Variants in EBF2 observed in about 807,000 individuals in gnomAD.
EBF2 encodes the protein EBF transcription factor 2.
Under a neutral mutation model 72.8 loss-of-function variants are expected in EBF2, and 21 were observed. The ratio of observed to expected loss-of-function variants is 0.29; its 90% CI spans 0.20 to 0.42. The LOEUF (loss-of-function observed/expected upper bound fraction) is 0.42, where lower values mean the gene tolerates loss of function less well. EBF2 is among the 10% of genes least tolerant of loss of function. EBF2 has a pLI of 1.00. For synonymous variants in EBF2, 299 were observed against 274.2 expected (o/e 1.09, Z -0.89); for missense variants, 637 against 731.2 (o/e 0.87, Z 1.49).
intron 6 of EBF2, among the ~76,000 whole-genome samples, chr8:25,915,608 GA>G (rs34778900): frequency 2.7e-3 from 350 of 130,950 alleles, no homozygotes; most frequent in African/African-American, 8.6e-3. Context: ...CAGCCTTTTG[GA>G]AAAAAAAAAA....
chr8:25,864,856 G>C (rs942671509), intron 10 of EBF2, among the ~76,000 whole-genome samples: 3 of 149,234 alleles, frequency 2.0e-5, no homozygotes, highest in Non-Finnish European at 3.0e-5. Flanking sequence ...GGAGTGCAGT[G>C]GTGCAATCTC....
chr8:25,844,519 C>T lies in EBF2; in HGVS notation c.*90G>A. 2 of 1,458,832 alleles carry T rather than the reference C, an allele frequency of 1.4e-6. No homozygotes were observed. Among genetic ancestry groups the T allele is most frequent in the Non-Finnish European group, 1.9e-6 (2 of 1,041,242 alleles). 90.4% of individuals were successfully genotyped at this position (1,458,832 alleles called of 1,614,324 possible). On this transcript the variant is annotated 3_prime_UTR_variant, in exon 16 of 16. Coordinates refer to ENST00000520164, the MANE Select transcript of EBF2 (RefSeq NM_022659.4). Reference sequence around the variant, plus strand: ...TGTCCATCATGTTCATGTGGGGGCACCACTACACCCCCAAAAGAGCTCCTA... The same window carrying T: ...TGTCCATCATGTTCATGTGGGGGCATCACTACACCCCCAAAAGAGCTCCTA...
intron 10 of EBF2, among the ~76,000 whole-genome samples, chr8:25,867,518 A>G (rs1450811105): frequency 6.6e-6 from 1 of 152,162 alleles, no homozygotes; most frequent in South Asian, 2.1e-4. Flanking sequence ...CTCTTTGGCC[A>G]TGTCAGACTA....
At chr8:25,939,432 CGT>C (rs1156997491) in intron 6 of EBF2, among the ~76,000 whole-genome samples, 2 of 152,028 alleles carry the variant, frequency 1.3e-5, no homozygotes, top group African/African-American at 4.8e-5. Flanking sequence ...TGTTTGCGTC[CGT>C]GTGTGTTTGT....
At chr8:25,942,707 C>T (rs535291729) in intron 6 of EBF2, among the ~76,000 whole-genome samples, 30 of 152,318 alleles carry the variant, frequency 2.0e-4, no homozygotes, top group African/African-American at 5.1e-4. Context: ...GTTTCCTTGA[C>T]AGTAAAGTGA....
intron 6 of EBF2, among the ~76,000 whole-genome samples, chr8:25,962,933 C>T (rs1287573758): frequency 6.6e-6 from 1 of 152,306 alleles, no homozygotes; most frequent in Non-Finnish European, 1.5e-5. Flanking sequence ...GCAAGGTCCT[C>T]GCATTACAAA....
At chr8:25,968,085 A>AT (rs1375133463) in intron 6 of EBF2, among the ~76,000 whole-genome samples, 2 of 151,998 alleles carry the variant, frequency 1.3e-5, no homozygotes, top group African/African-American at 2.4e-5. Context: ...TGTAGTCAGT[A>AT]TTTTTTTCTG....
chr8:25,965,265 T>G (rs1374796691), intron 6 of EBF2, among the ~76,000 whole-genome samples: 1 of 152,212 alleles, frequency 6.6e-6, no homozygotes, highest in Non-Finnish European at 1.5e-5. Context: ...CTTTACTTTG[T>G]TGGAACTCAA....
At chr8:26,026,575 C>T (rs1310944664) in intron 6 of EBF2, among the ~76,000 whole-genome samples, 2 of 152,194 alleles carry the variant, frequency 1.3e-5, no homozygotes, top group Admixed American at 6.5e-5. Context: ...TCCTCAGTCA[C>T]GCCGAGGATG....
At chr8:25,859,824 C>T (rs1489602988) in intron 13 of EBF2, among the ~76,000 whole-genome samples, 1 of 151,856 alleles carries the variant, frequency 6.6e-6, no homozygotes, top group African/African-American at 2.4e-5. Flanking sequence ...TCAATCTATC[C>T]TCCCACCTCA....
intron 5 of EBF2, 87 bp downstream of exon 5, chr8:26,039,941 A>G (rs1805570342): frequency 6.9e-7 from 1 of 1,452,278 alleles, no homozygotes. Flanking sequence ...TCAGTCCTGA[A>G]AGTTAGTCCC....
intron 7 of EBF2, among the ~76,000 whole-genome samples, chr8:25,896,176 C>A (rs146787171): frequency 2.0e-5 from 3 of 152,152 alleles, no homozygotes; most frequent in Non-Finnish European, 2.9e-5. Flanking sequence ...TTGAAACAGA[C>A]GACAATTCCA....
intron 10 of EBF2, among the ~76,000 whole-genome samples, chr8:25,864,754 TC>T (rs1802275186): frequency 6.6e-6 from 1 of 152,092 alleles, no homozygotes; most frequent in South Asian, 2.1e-4. Context: ...AGGGTAAGTG[TC>T]CTTCCAGAAA....
chr8:25,889,703 T>A, intron 8 of EBF2, 49 bp downstream of exon 8: 2 of 1,444,332 alleles, frequency 1.4e-6, no homozygotes, highest in Non-Finnish European at 1.9e-6. Context: ...AACAAGGAAA[T>A]TCGTGGAGAA....
chr8:25,956,935 C>A (rs1267283665), intron 6 of EBF2, among the ~76,000 whole-genome samples: 2 of 152,210 alleles, frequency 1.3e-5, no homozygotes, highest in Non-Finnish European at 2.9e-5. Flanking sequence ...GGAAACACCG[C>A]TCATCTAGGG....
At chr8:26,036,764 T>C (rs575941944) in intron 5 of EBF2, among the ~76,000 whole-genome samples, 13 of 152,302 alleles carry the variant, frequency 8.5e-5, no homozygotes, top group Admixed American at 2.0e-4. Flanking sequence ...CCCTTTGCTG[T>C]GTAAACAAAG....
chr8:25,897,873 T>C (rs980285911), intron 7 of EBF2, among the ~76,000 whole-genome samples: 1 of 152,208 alleles, frequency 6.6e-6, no homozygotes, highest in Non-Finnish European at 1.5e-5. Flanking sequence ...TTTGAGTATA[T>C]ACCCAGCAAT....
intron 10 of EBF2, among the ~76,000 whole-genome samples, chr8:25,881,460 A>T (rs905717959): frequency 6.6e-6 from 1 of 152,012 alleles, no homozygotes; most frequent in Non-Finnish European, 1.5e-5. Flanking sequence ...ATCCTAAACA[A>T]CTCCTTTTAG....
chr8:25,899,735 C>T (rs926810660), intron 7 of EBF2, among the ~76,000 whole-genome samples: 1 of 152,172 alleles, frequency 6.6e-6, no homozygotes, highest in Non-Finnish European at 1.5e-5. Flanking sequence ...ACTAATGGCT[C>T]GTGCCCAGCT....
Sources: gnomAD v4.1 joint callset for allele counts (sites outside exome capture counted in the v4.1 genomes callset) on GRCh38, gnomAD v4.1.1 for gene constraint, MANE v1.5 for transcripts, NCBI Gene and HGNC (gene_info 2026-07-23, HGNC 2026-07-21) for gene names.